VPS8: variants seen among roughly 807,000 people sequenced by gnomAD.
VPS8 encodes the protein vacuolar protein sorting-associated protein 8 homolog.
A neutral mutation model predicts 216.4 loss-of-function variants in VPS8; 129 were observed. That is an observed-to-expected ratio of 0.60 (90% confidence interval 0.52 to 0.69). The LOEUF is 0.69. Ranked by LOEUF, VPS8 falls within the 30% of genes least tolerant of loss-of-function variation. The pLI is 0.00. For synonymous variants in VPS8, 571 were observed against 565.4 expected (o/e 1.01, Z -0.14); for missense variants, 1,531 against 1,683.5 (o/e 0.91, Z 1.59).
intron 36 of VPS8, chr3:184,944,501 C>T: frequency 7.1e-6 from 7 of 985,362 alleles, no homozygotes; most frequent in Non-Finnish European, 8.4e-6. Context: ...GCTGCAGGTT[C>T]CTTATGCAGT....
intron 37 of VPS8, among the ~76,000 whole-genome samples, chr3:184,960,971 T>C (rs1322603358): frequency 6.6e-6 from 1 of 152,216 alleles, no homozygotes; most frequent in Non-Finnish European, 1.5e-5. Flanking sequence ...TCCATTTATT[T>C]TAGTAAAGTC....
intron 22 of VPS8, among the ~76,000 whole-genome samples, chr3:184,894,348 C>T (rs907452840): frequency 2.0e-5 from 3 of 152,056 alleles, no homozygotes; most frequent in Non-Finnish European, 4.4e-5. Context: ...CCACAATAGA[C>T]TGAGCACAGG....
Position 184,849,151 on chromosome 3 carries a change from A to C in VPS8, c.622A>C (p.Asn208His). 1 of 1,613,704 alleles carries C rather than the reference A, an allele frequency of 6.2e-7. No homozygotes were observed. The highest frequency in any genetic ancestry group is 8.5e-7 in the Non-Finnish European group (1 of 1,179,644). Residue 208 changes from asparagine (N) to histidine (H), a missense_variant, in exon 9 of 48, where the codon AAC (asparagine) becomes CAC (histidine). Coordinates refer to ENST00000625842, the MANE Select transcript of VPS8 (RefSeq NM_001009921.3). ...QYGAISALSINNDCSRLLCGF... is the reference protein window; with the variant it reads ...QYGAISALSIHNDCSRLLCGF... ...TGGCGCTATCTCTGCCCTCAGTATC[A>C]ACAATGATTGCTCAAGACTTCTTTG...
chr3:184,906,853 G>C (rs537688560), intron 25 of VPS8, among the ~76,000 whole-genome samples: 3 of 152,200 alleles, frequency 2.0e-5, no homozygotes, highest in Non-Finnish European at 4.4e-5. Flanking sequence ...TTTCAGGGAA[G>C]GGATGGAAGG....
Position 184,928,513 on chromosome 3 carries a change from G to A in VPS8, c.2694G>A (p.Arg898=). 1 of 1,523,208 alleles carries A rather than the reference G, an allele frequency of 6.6e-7. No individual in the cohort carries two copies. Among genetic ancestry groups the A allele is most frequent in the Non-Finnish European group, 8.7e-7 (1 of 1,147,640 alleles). The allele number at this position is 1,523,208 out of a possible 1,614,324, so 94.4% of individuals were successfully genotyped here. Residue 898 remains arginine (R), a synonymous_variant, in exon 32 of 48, where the codon CGG becomes CGA. Coordinates refer to ENST00000625842, the MANE Select transcript of VPS8 (RefSeq NM_001009921.3). ...IVQFEESRLI[R]MAEKAEFYQI... is the part of the protein sequence containing the mutation. ...AATTTGAAGAGAGTCGACTCATCCG[G>A]ATGGCAGAAAAAGCTGAGTTGTAAG...
At chr3:184,904,412 T>C (rs1214351857) in intron 25 of VPS8, among the ~76,000 whole-genome samples, 3 of 152,234 alleles carry the variant, frequency 2.0e-5, no homozygotes, top group African/African-American at 7.2e-5. Context: ...CATGAAAGAC[T>C]GTTGAATTTT....
intron 40 of VPS8, among the ~76,000 whole-genome samples, chr3:184,981,428 CTTTTTT>C (rs67454758): frequency 1.5e-5 from 1 of 68,522 alleles, no homozygotes; most frequent in Admixed American, 1.7e-4. Context: ...GCAGTGGGTT[CTTTTTT>C]TTTTTTTTTT....
intron 45 of VPS8, among the ~76,000 whole-genome samples, chr3:185,001,548 A>G (rs1179131993): frequency 6.6e-6 from 1 of 152,208 alleles, no homozygotes; most frequent in African/African-American, 2.4e-5. Context: ...CTAGCACATC[A>G]ATGTCTACAC....
At chr3:184,873,402 T>C (rs1281745278) in intron 21 of VPS8, among the ~76,000 whole-genome samples, 1 of 152,172 alleles carries the variant, frequency 6.6e-6, no homozygotes, top group Non-Finnish European at 1.5e-5. Flanking sequence ...GCATCTAAAC[T>C]GTTTAATACT....
chr3:184,855,423 G>A (rs994488695), intron 13 of VPS8, among the ~76,000 whole-genome samples: 1 of 152,008 alleles, frequency 6.6e-6, no homozygotes, highest in Non-Finnish European at 1.5e-5. Flanking sequence ...TTTTTCCTTT[G>A]GTGTAGAATA....
chr3:184,938,636 CTTTTCTTT>C (rs535283695), intron 35 of VPS8, among the ~76,000 whole-genome samples: 32 of 138,138 alleles, frequency 2.3e-4, no homozygotes, highest in Non-Finnish European at 3.9e-4. Flanking sequence ...ATTTTCTTTT[CTTTTCTTT>C]TTTTCTTTTT....
chr3:184,981,245 G>A (rs1237598561), intron 40 of VPS8, among the ~76,000 whole-genome samples: 2 of 152,104 alleles, frequency 1.3e-5, no homozygotes, highest in Non-Finnish European at 2.9e-5. Flanking sequence ...GCCAGCTAAA[G>A]CACTTTGTTG....
Position 184,964,515 on chromosome 3 carries a change from A to G in VPS8, c.3231A>G (p.Glu1077=). 1.3e-6 allele frequency: 2 copies of G among 1,521,498 alleles called. No individual in the cohort carries two copies. The highest frequency in any genetic ancestry group is 1.8e-6 in the Non-Finnish European group (2 of 1,129,588). The allele number at this position is 1,521,498 out of a possible 1,614,324, so 94.2% of individuals were successfully genotyped here. Residue 1077 remains glutamate, a synonymous_variant, in exon 38 of 48, where the codon GAA becomes GAG. Transcript: ENST00000625842. The stretch of plus-strand genomic sequence containing the variant: ...ATGAAGTCACCGCTTATCTATTGGA[A>G]AAGAAAGGAGATATTCATGGTGCCT... The part of the protein sequence containing the change: ...QLHEVTAYLL[E]KKGDIHGAFL...
intron 39 of VPS8, among the ~76,000 whole-genome samples, chr3:184,969,553 T>G (rs1748040367): frequency 6.7e-6 from 1 of 149,878 alleles, no homozygotes; most frequent in African/African-American, 2.5e-5. Flanking sequence ...CCTCAGCTCC[T>G]TGGGTAGCTG....
chr3:184,955,401 C>T (rs573463230), intron 36 of VPS8, among the ~76,000 whole-genome samples: 10 of 152,232 alleles, frequency 6.6e-5, no homozygotes, highest in South Asian at 4.1e-4. Context: ...TCTATCTCTG[C>T]GGTGGCTACC....
chr3:185,002,328 T>C (rs2109923437), intron 45 of VPS8, among the ~76,000 whole-genome samples: 1 of 152,356 alleles, frequency 6.6e-6, no homozygotes, highest in East Asian at 1.9e-4. Flanking sequence ...TTACACTACA[T>C]TGGTTGCCCT....
At chr3:184,907,044 C>T (rs916286647) in intron 25 of VPS8, among the ~76,000 whole-genome samples, 4 of 152,142 alleles carry the variant, frequency 2.6e-5, no homozygotes, top group South Asian at 2.1e-4. Flanking sequence ...GTGACACAGC[C>T]TCAGGGTCCT....
At chr3:184,825,044 C>A in intron 2 of VPS8, 1 of 400,104 alleles carries the variant, frequency 2.5e-6, no homozygotes, top group South Asian at 2.7e-5. Context: ...TAGCTGGGAC[C>A]ACAGGTGTGT....
At chr3:184,825,293 T>C (rs184937942) in intron 2 of VPS8, among the ~76,000 whole-genome samples, 10 of 152,358 alleles carry the variant, frequency 6.6e-5, no homozygotes, top group African/African-American at 1.9e-4. Context: ...ATTGTATAGA[T>C]GAAGACACTG....
Sources: allele counts gnomAD v4.1 joint callset (sites outside exome capture counted in the v4.1 genomes callset), GRCh38; gene constraint gnomAD v4.1.1; transcripts MANE v1.5; gene names NCBI Gene and HGNC (gene_info 2026-07-23, HGNC 2026-07-21).